VEGFC: variants seen among roughly 807,000 people sequenced by gnomAD.
VEGFC encodes FLT4 ligand DHM.
VEGFC carries 12 observed loss-of-function variants against 46.1 expected under a neutral mutation model. That is an observed-to-expected ratio of 0.26 (90% confidence interval 0.17 to 0.42). The LOEUF (loss-of-function observed/expected upper bound fraction) is 0.42. Among genes scored for constraint, VEGFC ranks in the 10% least tolerant of loss-of-function variants. The pLI, the probability that VEGFC is intolerant of heterozygous loss-of-function variation, is 1.00. For missense variants in VEGFC, 488 were observed against 529.4 expected (o/e 0.92, Z 0.77); for synonymous variants, 232 against 195.5 (o/e 1.19, Z -1.56).
intron 3 of VEGFC, among the ~76,000 whole-genome samples, chr4:176,721,205 G>A (rs1026300793): frequency 2.6e-5 from 4 of 152,096 alleles, no homozygotes; most frequent in African/African-American, 7.2e-5. Flanking sequence ...GATCATTGAG[G>A]GCCCAGGAAA....
At chr4:176,782,663 T>C (rs2110947329) in intron 1 of VEGFC, among the ~76,000 whole-genome samples, 1 of 152,228 alleles carries the variant, frequency 6.6e-6, no homozygotes, top group South Asian at 2.1e-4. Flanking sequence ...AATACAAATA[T>C]TAATACGAAA....
intron 4 of VEGFC, among the ~76,000 whole-genome samples, chr4:176,692,876 T>A (rs1734231306): frequency 6.9e-6 from 1 of 145,868 alleles, no homozygotes; most frequent in Non-Finnish European, 1.5e-5. Context: ...CACTGACACC[T>A]CACACAGCAG....
intron 1 of VEGFC, among the ~76,000 whole-genome samples, chr4:176,744,935 T>G (rs1314549776): frequency 1.3e-5 from 2 of 151,988 alleles, no homozygotes; most frequent in Non-Finnish European, 2.9e-5. Flanking sequence ...AATTCCAAAA[T>G]CCCCTAACTT....
chr4:176,730,562 T>A (rs1488931026), intron 1 of VEGFC, among the ~76,000 whole-genome samples: 1 of 152,144 alleles, frequency 6.6e-6, no homozygotes, highest in African/African-American at 2.4e-5. Flanking sequence ...TATATTGTCA[T>A]GATTATCCCA....
In VEGFC at chr4:176,729,585, T is replaced by G; in HGVS notation, c.309A>C (p.Thr103=). Residue 103 remains threonine (T), a synonymous_variant, in exon 2 of 7, where the codon ACA becomes ACC. Coordinates refer to ENST00000618562, the MANE Select transcript of VEGFC (RefSeq NM_005429.5). ...NREQANLNSR[T]EETIKFAAAH... is the part of the protein sequence containing the mutation. ...CTGCAGCAAATTTTATAGTCTCTTC[T>G]GTCCTTGAGTTGAGGTTGGCCTGTT... 1 of 1,613,842 alleles carries G rather than the reference T, an allele frequency of 6.2e-7. No homozygotes were observed. The highest frequency in any genetic ancestry group is 8.5e-7 in the Non-Finnish European group (1 of 1,179,926).
At chr4:176,751,841 G>GT (rs1364251999) in intron 1 of VEGFC, among the ~76,000 whole-genome samples, 1 of 151,782 alleles carries the variant, frequency 6.6e-6, no homozygotes, top group East Asian at 1.9e-4. Context: ...CAATTTACCT[G>GT]TAAGTTTTTT....
chr4:176,692,627 A>C (rs1734219644), intron 4 of VEGFC, among the ~76,000 whole-genome samples: 1 of 143,240 alleles, frequency 7.0e-6, no homozygotes, highest in Non-Finnish European at 1.5e-5. Flanking sequence ...AGCCCACCAC[A>C]GCTCAAGGAG....
intron 2 of VEGFC, among the ~76,000 whole-genome samples, chr4:176,729,046 T>A (rs1032047970): frequency 6.6e-6 from 1 of 152,130 alleles, no homozygotes; most frequent in African/African-American, 2.4e-5. Context: ...ACATGATCAT[T>A]TTTTGTGAAG....
At chr4:176,770,768 T>G (rs1735707826) in intron 1 of VEGFC, among the ~76,000 whole-genome samples, 1 of 152,122 alleles carries the variant, frequency 6.6e-6, no homozygotes. Context: ...GCTATGAGAA[T>G]TCCACTGCAG....
At chr4:176,740,395 T>G (rs1259199547) in intron 1 of VEGFC, among the ~76,000 whole-genome samples, 28 of 119,522 alleles carry the variant, frequency 2.3e-4, no homozygotes, top group South Asian at 9.4e-4. Flanking sequence ...TAACTATATA[T>G]TTATATATAG....
chr4:176,695,134 C>A (rs1482098100), intron 4 of VEGFC, among the ~76,000 whole-genome samples: 2 of 149,684 alleles, frequency 1.3e-5, no homozygotes, highest in Non-Finnish European at 3.0e-5. Flanking sequence ...AAAATCAGAG[C>A]AGAACTGAAG....
rs78506772 is a variant in VEGFC at position 176,749,121 on chromosome 4, A to G, written c.148-19375T>C. Among the ~76,000 whole-genome samples, 243 of 152,134 alleles carry G rather than the reference A, an allele frequency of 1.6e-3. 1 individual carries two copies. Among genetic ancestry groups the G allele is most frequent in the African/African-American group, 5.7e-3 (238 of 41,578 alleles). On this transcript the variant is annotated intron_variant, in intron 1 of 6. Transcript: ENST00000618562. ...AAGCTAGAGCTGAAATTAGAAGCTG[A>G]GTATAGACTTGGTCTCAAATAGGGA... is the stretch of plus-strand genomic sequence containing the variant.
chr4:176,773,958 A>G (rs757343042), intron 1 of VEGFC, among the ~76,000 whole-genome samples: 2 of 152,050 alleles, frequency 1.3e-5, no homozygotes, highest in African/African-American at 2.4e-5. Flanking sequence ...GTGAGGTTAT[A>G]TTTAATATAC....
At chr4:176,765,962 A>G (rs1198619292) in intron 1 of VEGFC, among the ~76,000 whole-genome samples, 1 of 152,180 alleles carries the variant, frequency 6.6e-6, no homozygotes, top group Non-Finnish European at 1.5e-5. Context: ...ATGGAAAAAA[A>G]TCTTTAGAAT....
At chr4:176,782,613 C>T (rs1238148715) in intron 1 of VEGFC, among the ~76,000 whole-genome samples, 2 of 151,718 alleles carry the variant, frequency 1.3e-5, no homozygotes, top group Admixed American at 6.6e-5. Flanking sequence ...AACTATAAAG[C>T]TTCATTTTAT....
chr4:176,709,326 C>G (rs1734583644), intron 4 of VEGFC, among the ~76,000 whole-genome samples: 1 of 152,138 alleles, frequency 6.6e-6, no homozygotes, highest in African/African-American at 2.4e-5. Context: ...ACAGGAATGG[C>G]TCAAGTATTT....
rs1734426472 is a variant in VEGFC, at chr4:176,701,218, C to G, written c.704+10281G>C. Among the ~76,000 whole-genome samples the G allele has an allele frequency of 2.0e-5, 3 of 152,174 alleles. No homozygotes were observed. The South Asian group carries it at 6.2e-4, about 32-fold the overall frequency. ...AAAGAGGATGTTATATGAAAACTCT[C>G]TATACTTTCTGCTTTTTCTGTAACC... On this transcript the variant is annotated intron_variant, in intron 4 of 6. Coordinates refer to ENST00000618562, the MANE Select transcript of VEGFC (RefSeq NM_005429.5).
chr4:176,705,869 T>C lies in VEGFC; in HGVS notation c.704+5630A>G, dbSNP rs1283963118. On this transcript the variant is annotated intron_variant, in intron 4 of 6. Coordinates refer to ENST00000618562, the MANE Select transcript of VEGFC (RefSeq NM_005429.5). ...CTTATAAATATTCTGTATGATGTTA[T>C]ATGTAACATTCTTACTTATGTGCTC... is the stretch of plus-strand genomic sequence containing the variant. 2.0e-5 allele frequency: 3 copies of C among 152,186 alleles called. No individual in the cohort carries two copies. In the East Asian group the frequency reaches 5.8e-4, roughly 29 times the overall value. The allele number at this position is 152,186 out of a possible 1,614,324, so 9.4% of individuals were successfully genotyped here.
At chr4:176,757,065 G>T (rs892961012) in intron 1 of VEGFC, among the ~76,000 whole-genome samples, 2 of 152,070 alleles carry the variant, frequency 1.3e-5, no homozygotes, top group African/African-American at 4.8e-5. Flanking sequence ...AGACAATAAT[G>T]CTTGGTGGCT....
Sources: gnomAD v4.1 joint callset for allele counts (sites outside exome capture counted in the v4.1 genomes callset) on GRCh38, gnomAD v4.1.1 for gene constraint, MANE v1.5 for transcripts, NCBI Gene and HGNC (gene_info 2026-07-23, HGNC 2026-07-21) for gene names.